The following GPR55 variants were observed in gnomAD, a reference collection of about 807,000 sequenced individuals.
The protein encoded by GPR55 is G-protein coupled receptor 55.
In GPR55, 6 loss-of-function variants were observed where a neutral mutation model predicts 7.9. That is an observed-to-expected ratio of 0.76 (90% CI 0.41 to 1.49). The LOEUF (loss-of-function observed/expected upper bound fraction) is 1.49, where lower values mean the gene tolerates loss of function less well. Among genes scored for constraint, GPR55 ranks in the 40% most tolerant of loss-of-function variants. The pLI is 0.01. For missense variants in GPR55, 376 were observed against 406.0 expected (o/e 0.93, Z 0.63); for synonymous variants, 183 against 166.8 (o/e 1.10, Z -0.75).
chr2:230,927,623 T>C (rs1304294870), upstream of GPR55, among the ~76,000 whole-genome samples: 1 of 152,232 alleles, frequency 6.6e-6, no homozygotes, highest in Non-Finnish European at 1.5e-5. Flanking sequence ...GGTCCCTGCC[T>C]GTCTTCCAGG....
Position 230,910,007 on chromosome 2 carries a change from C to A in GPR55, c.956G>T (p.Gly319Val), listed in dbSNP as rs1228144774. ...LVLQDTTISR[G>V] The stretch of plus-strand genomic sequence containing the variant: ...CCTGAACAGGATGTCCTTCCGTTAG[C>A]CCCGGGAGATCGTGGTGTCCTGCAG... Residue 319 changes from glycine (G) to valine (V), a missense_variant, in exon 2 of 2, where the codon GGC becomes GTC. Coordinates refer to ENST00000650999, the MANE Select transcript of GPR55 (RefSeq NM_005683.4). This position sits in a 1 kb window ranked among gnomAD's most constrained non-coding sequence, Gnocchi z 5.4. The A allele has an allele frequency of 6.2e-7, 1 of 1,611,788 alleles. No individual in the cohort carries two copies. The highest frequency in any genetic ancestry group is 8.5e-7 in the Non-Finnish European group (1 of 1,178,800).
At position 230,909,885 on chromosome 2, in the gene GPR55, G is replaced by A; in HGVS notation, c.*118C>T. ...AGCTGGCACTCAATGGGCATCAAAG[G>A]GAAGCACATCAGTGAAGATGGTGCG... On this transcript the variant is annotated 3_prime_UTR_variant, in exon 2 of 2. Coordinates refer to ENST00000650999, the MANE Select transcript of GPR55 (RefSeq NM_005683.4). 1.9e-6 allele frequency: 2 copies of A among 1,049,936 alleles called. No individual in the cohort carries two copies. The highest frequency in any genetic ancestry group is 3.1e-5 in the South Asian group (2 of 64,830). The allele number at this position is 1,049,936 out of a possible 1,614,324, so 65.0% of individuals were successfully genotyped here.
At chr2:230,918,476 T>G (rs1317010127) in intron 1 of GPR55, among the ~76,000 whole-genome samples, 1 of 152,202 alleles carries the variant, frequency 6.6e-6, no homozygotes, top group African/African-American at 2.4e-5. Context: ...GAATTACTCT[T>G]AAAATAGGCT....
intron 1 of GPR55, among the ~76,000 whole-genome samples, chr2:230,932,884 CTT>C (rs1691071293): frequency 1.3e-5 from 2 of 152,092 alleles, no homozygotes; most frequent in South Asian, 2.1e-4. Context: ...CTCTCTCTCT[CTT>C]GCATGCGCTC....
intron 1 of GPR55, among the ~76,000 whole-genome samples, chr2:230,937,615 G>A (rs965383635): frequency 6.6e-6 from 1 of 151,502 alleles, no homozygotes; most frequent in Admixed American, 6.6e-5. Context: ...TTTGTGGCAC[G>A]GAGCATTTAT....
chr2:230,921,683 A>C (rs928924576), intron 1 of GPR55, among the ~76,000 whole-genome samples: 10 of 152,236 alleles, frequency 6.6e-5, no homozygotes, highest in Admixed American at 3.9e-4. Context: ...TAAACATGAA[A>C]GGGAGAAACG....
chr2:230,943,804 C>T (rs1455350412), intron 1 of GPR55, among the ~76,000 whole-genome samples: 1 of 152,210 alleles, frequency 6.6e-6, no homozygotes, highest in Non-Finnish European at 1.5e-5. Context: ...TCTGCTCCCA[C>T]TCTGGCCATG....
At chr2:230,942,813 C>A (rs904816821) in intron 1 of GPR55, among the ~76,000 whole-genome samples, 5 of 151,942 alleles carry the variant, frequency 3.3e-5, no homozygotes, top group Admixed American at 2.0e-4. Context: ...CACCCCCATC[C>A]ACAAGAATGG....
chr2:230,910,198 G>T lies in GPR55; in HGVS notation c.765C>A (p.Ser255Arg). 1 of 1,614,118 alleles carries T rather than the reference G, an allele frequency of 6.2e-7. No homozygotes were observed. ...GCTTGGCTCTGCACTCTACGATAAA[G>T]CTGTTTCTCACCAGGAACTGCAGGA... ...GFFLQFLVRNSFIVECRAKQS... is the reference protein window; with the variant it reads ...GFFLQFLVRNRFIVECRAKQS... Residue 255 changes from serine to arginine, a missense_variant, in exon 2 of 2, where the codon AGC (serine) becomes AGA (arginine). Transcript: ENST00000650999. This position sits in a 1 kb window ranked among gnomAD's most constrained non-coding sequence, Gnocchi z 5.4.
At chr2:230,915,408 C>T (rs902405731) in intron 1 of GPR55, among the ~76,000 whole-genome samples, 8 of 152,146 alleles carry the variant, frequency 5.3e-5, no homozygotes, top group South Asian at 2.1e-4. Context: ...TGGGTGCCTT[C>T]GCCTCCTAGG....
At chr2:230,927,149 C>T (rs1690957262), upstream of GPR55, among the ~76,000 whole-genome samples, 1 of 152,198 alleles carries the variant, frequency 6.6e-6, no homozygotes, top group African/African-American at 2.4e-5. Flanking sequence ...CCAGCTCTCA[C>T]CTACCCCCCA....
chr2:230,952,330 G>C (rs776400147), intron 1 of GPR55, among the ~76,000 whole-genome samples: 2 of 152,194 alleles, frequency 1.3e-5, no homozygotes, highest in Non-Finnish European at 2.9e-5. Flanking sequence ...GGATTAAAAG[G>C]TACTACCTGG....
At position 230,910,159 on chromosome 2, in the gene GPR55, G is replaced by A. The variant is rs752775337; in HGVS notation, c.804C>T (p.Phe268=). The A allele has an allele frequency of 9.9e-6, 16 of 1,614,070 alleles. No homozygotes were observed. Among genetic ancestry groups the A allele is most frequent in the Non-Finnish European group, 1.4e-5 (16 of 1,180,000 alleles). The change falls in exon 2 of 2, where the codon TTC becomes TTT. Residue 268 remains phenylalanine, a synonymous_variant. Coordinates refer to ENST00000650999, the MANE Select transcript of GPR55 (RefSeq NM_005683.4). This position sits in a 1 kb window ranked among gnomAD's most constrained non-coding sequence, Gnocchi z 5.4. ...VECRAKQSIS[F]FLQLSMCFSN... ...AGAAACACATGGACAATTGCAAGAA[G>A]AAGCTGATGCTCTGCTTGGCTCTGC...
intron 1 of GPR55, among the ~76,000 whole-genome samples, chr2:230,958,851 G>A (rs76679182): frequency 0.031 from 4,670 of 152,234 alleles, 154 homozygotes; most frequent in East Asian, 0.17. Context: ...CAGTTATAAC[G>A]AGGGTCTTTA....
intron 1 of GPR55, among the ~76,000 whole-genome samples, chr2:230,915,422 C>A (rs1280755961): frequency 6.6e-6 from 1 of 152,142 alleles, no homozygotes; most frequent in Non-Finnish European, 1.5e-5. Context: ...TCCTAGGGGA[C>A]TGGAATGGGG....
chr2:230,948,295 C>G (rs116279259), intron 1 of GPR55, among the ~76,000 whole-genome samples: 2 of 152,246 alleles, frequency 1.3e-5, no homozygotes, highest in Admixed American at 6.5e-5. Flanking sequence ...GAGCCTCCCC[C>G]ACTCCTTCCT....
intron 1 of GPR55, among the ~76,000 whole-genome samples, chr2:230,931,836 A>G (rs1444538039): frequency 6.6e-6 from 1 of 151,706 alleles, no homozygotes; most frequent in Non-Finnish European, 1.5e-5. Flanking sequence ...GGCCCAGTCC[A>G]TTCGCCTGCT....
chr2:230,949,130 C>T (rs996872683), intron 1 of GPR55, among the ~76,000 whole-genome samples: 1 of 151,184 alleles, frequency 6.6e-6, no homozygotes, highest in African/African-American at 2.4e-5. Flanking sequence ...CATCAACAGG[C>T]CCTAATGCTT....
rs568611040 is a variant in GPR55 at position 230,923,588 on chromosome 2, T to C, written c.-135+1580A>G. Among the ~76,000 whole-genome samples, 20 of 140,130 alleles carry C rather than the reference T, an allele frequency of 1.4e-4. No individual in the cohort carries two copies. The highest frequency in any genetic ancestry group is 5.1e-4 in the African/African-American group (19 of 37,268). 91.9% of individuals were successfully genotyped at this position (140,130 alleles called of 152,430 possible). A position where few individuals can be genotyped will look rare whatever the true frequency, so the allele number is the denominator to read the frequency against. ...AATCTCCCCAATGCCTGAATGTTGC[T>C]GGAGCTTGGGCTGGGGGGTTGGAGT... On this transcript the variant is annotated intron_variant, in intron 1 of 1. Coordinates refer to ENST00000650999, the MANE Select transcript of GPR55 (RefSeq NM_005683.4). The surrounding 1 kb of genome is among the most constrained non-coding windows in gnomAD (Gnocchi z 4.1).
Sources: allele counts gnomAD v4.1 joint callset (sites outside exome capture counted in the v4.1 genomes callset), GRCh38; gene constraint gnomAD v4.1.1; non-coding constraint Gnocchi (gnomAD v3.1); transcripts MANE v1.5; gene names NCBI Gene and HGNC (gene_info 2026-07-23, HGNC 2026-07-21).